The following XRCC4 variants were observed in gnomAD, a reference collection of about 807,000 sequenced individuals.
XRCC4 encodes the protein DNA repair protein XRCC4.
A neutral mutation model predicts 39.1 loss-of-function variants in XRCC4; 28 were observed. That is an observed-to-expected ratio of 0.72 (90% CI 0.53 to 0.98). XRCC4 has a LOEUF of 0.98. XRCC4 is among the 50% of genes least tolerant of loss of function. The probability of loss-of-function intolerance (pLI) is 0.00; values close to 1 mark genes in which losing one functional copy is unlikely to be tolerated. For synonymous variants in XRCC4, 123 were observed against 126.4 expected (o/e 0.97, Z 0.18); for missense variants, 350 against 376.4 (o/e 0.93, Z 0.58).
At chr5:83,314,142 ATATT>A (rs1755801791) in intron 7 of XRCC4, among the ~76,000 whole-genome samples, 2 of 152,138 alleles carry the variant, frequency 1.3e-5, no homozygotes, top group South Asian at 4.1e-4. Context: ...ACTTCAATAT[ATATT>A]CCTTGTAAAG....
intron 7 of XRCC4, among the ~76,000 whole-genome samples, chr5:83,325,827 A>G: frequency 6.6e-6 from 1 of 152,076 alleles, no homozygotes. Context: ...TATATACAGT[A>G]ATGGGATTGC....
intron 7 of XRCC4, among the ~76,000 whole-genome samples, chr5:83,295,384 A>C (rs1755058143): frequency 6.6e-6 from 1 of 152,108 alleles, no homozygotes. Flanking sequence ...GAGAAAAGGC[A>C]CCCACGTCGT....
intron 1 of XRCC4, among the ~76,000 whole-genome samples, chr5:83,083,922 G>A (rs1745071051): frequency 6.6e-6 from 1 of 152,106 alleles, no homozygotes. Context: ...TCCCTAAAAT[G>A]TCAGGCCAGG....
intron 1 of XRCC4, among the ~76,000 whole-genome samples, chr5:83,091,725 C>T (rs561691426): frequency 6.6e-6 from 1 of 152,214 alleles, no homozygotes; most frequent in African/African-American, 2.4e-5. Context: ...AATAGTGTTC[C>T]ATTGTGTGTA....
intron 3 of XRCC4, among the ~76,000 whole-genome samples, chr5:83,139,206 A>G (rs1238957333): frequency 2.0e-5 from 3 of 152,090 alleles, no homozygotes; most frequent in Non-Finnish European, 4.4e-5. Context: ...TTTTCATGAC[A>G]TTGACTATTT....
chr5:83,315,726 G>C (rs952895795), intron 7 of XRCC4, among the ~76,000 whole-genome samples: 8 of 152,116 alleles, frequency 5.3e-5, no homozygotes, highest in Non-Finnish European at 1.2e-4. Context: ...CAGGCCTACT[G>C]TTGAGACCTA....
chr5:83,338,397 T>C (rs1756657227), intron 7 of XRCC4, among the ~76,000 whole-genome samples: 3 of 152,186 alleles, frequency 2.0e-5, no homozygotes. Flanking sequence ...GTTGTTTGAA[T>C]TGGTAAATTA....
chr5:83,355,486 C>T (rs894790278), downstream of XRCC4, among the ~76,000 whole-genome samples: 4 of 151,988 alleles, frequency 2.6e-5, no homozygotes, highest in East Asian at 5.8e-4. Context: ...AGTAGGCACT[C>T]GAAAGTTTCT....
chr5:83,353,140 T>A lies in XRCC4; in HGVS notation c.903T>A (p.Ser301=). Residue 301 remains serine, a synonymous_variant, in exon 8 of 8, where the codon TCT becomes TCA. Transcript: ENST00000396027. ...TTCTTTTCAGTTCTAGGCCTGATTC[T>A]TCACTACCTGAGACGTCTAAAAAGG... The part of the protein sequence containing the change: ...NQLQEKEKPD[S]SLPETSKKEH... The A allele has an allele frequency of 6.2e-7, 1 of 1,602,708 alleles. No homozygotes were observed. Among genetic ancestry groups the A allele is most frequent in the Non-Finnish European group, 8.5e-7 (1 of 1,176,840 alleles).
At chr5:83,087,647 AGTGAGACCCT>A (rs955618519) in intron 1 of XRCC4, among the ~76,000 whole-genome samples, 4 of 151,946 alleles carry the variant, frequency 2.6e-5, no homozygotes, top group African/African-American at 9.7e-5. Flanking sequence ...TGGGTGACAG[AGTGAGACCCT>A]GTGTCAAAAA....
Position 83,125,851 on chromosome 5 carries a change from C to T in XRCC4, c.315+14648C>T, listed in dbSNP as rs768177397. Among the ~76,000 whole-genome samples the T allele has an allele frequency of 9.2e-5, 14 of 151,992 alleles. No homozygotes were observed. In the East Asian group the frequency reaches 2.1e-3, roughly 23 times the overall value. Reference sequence around the variant, plus strand: ...CTAAAAAATTAGCCAGGTGTGGTGGCGCATTCCTGTAATCCGAGCTACTTG... The same window carrying T: ...CTAAAAAATTAGCCAGGTGTGGTGGTGCATTCCTGTAATCCGAGCTACTTG... On this transcript the variant is annotated intron_variant, in intron 3 of 7. Transcript: ENST00000396027.
rs142116174 is a variant in XRCC4 at position 83,283,328 on chromosome 5, G to A, written c.893+24651G>A. 6.9e-3 allele frequency among the ~76,000 whole-genome samples: 1,043 copies of A among 152,220 alleles called. 9 individuals carry two copies. The highest frequency in any genetic ancestry group is 0.024 in the African/African-American group (977 of 41,524). Reference sequence around the variant, plus strand: ...GACCTCATGGTCTTCTGATTCCATTGCCTTTTCTGCTATCCACCTAATTTA... The same window carrying A: ...GACCTCATGGTCTTCTGATTCCATTACCTTTTCTGCTATCCACCTAATTTA... On this transcript the variant is annotated intron_variant, in intron 7 of 7. Transcript: ENST00000396027.
At chr5:83,340,002 G>A (rs1041089238) in intron 7 of XRCC4, among the ~76,000 whole-genome samples, 86 of 152,262 alleles carry the variant, frequency 5.6e-4, no homozygotes, top group African/African-American at 2.0e-3. Context: ...ATGGGGAAGT[G>A]ATAGATGATA....
intron 1 of XRCC4, among the ~76,000 whole-genome samples, chr5:83,083,457 A>G (rs890743236): frequency 2.7e-5 from 4 of 149,688 alleles, no homozygotes; most frequent in African/African-American, 7.5e-5. Context: ...ACTCACTACA[A>G]CCTCTGCCTC....
chr5:83,183,206 A>T (rs2112657531), intron 3 of XRCC4, among the ~76,000 whole-genome samples: 1 of 152,226 alleles, frequency 6.6e-6, no homozygotes, highest in South Asian at 2.1e-4. Context: ...CAGTCTTCCA[A>T]AAATTAATGA....
intron 7 of XRCC4, among the ~76,000 whole-genome samples, chr5:83,323,934 CAG>C (rs747108036): frequency 1.3e-5 from 2 of 152,014 alleles, no homozygotes; most frequent in Non-Finnish European, 2.9e-5. Context: ...ATATGAAGGA[CAG>C]TTTGATTATC....
chr5:83,117,631 ATGTGTGTGTGTG>A (rs70973379), intron 3 of XRCC4, among the ~76,000 whole-genome samples: 1,551 of 145,978 alleles, frequency 0.011, 15 homozygotes, highest in East Asian at 0.079. Flanking sequence ...CTACATATAT[ATGTGTGTGTGTG>A]TGTGTGTGTG....
At chr5:83,313,503 C>T (rs1463170325) in intron 7 of XRCC4, among the ~76,000 whole-genome samples, 1 of 152,072 alleles carries the variant, frequency 6.6e-6, no homozygotes, top group African/African-American at 2.4e-5. Flanking sequence ...ATTTACCTCT[C>T]CTGGCTCACA....
intron 7 of XRCC4, among the ~76,000 whole-genome samples, chr5:83,309,269 A>G (rs1755601677): frequency 1.0e-5 from 1 of 96,142 alleles, no homozygotes. Context: ...TCCGTCTCAA[A>G]AAAAAAAAAA....
Sources: gnomAD v4.1 joint callset for allele counts (sites outside exome capture counted in the v4.1 genomes callset) on GRCh38, gnomAD v4.1.1 for gene constraint, MANE v1.5 for transcripts, NCBI Gene and HGNC (gene_info 2026-07-23, HGNC 2026-07-21) for gene names.